The following MAMDC4 variants were observed in gnomAD, a reference collection of about 807,000 sequenced individuals.
MAMDC4 encodes apical endosomal glycoprotein.
In MAMDC4, 168 loss-of-function variants were observed where a neutral mutation model predicts 153.3. The ratio of observed to expected loss-of-function variants is 1.10; its 90% CI spans 0.97 to 1.25. The LOEUF (loss-of-function observed/expected upper bound fraction) is 1.25, where lower values mean the gene tolerates loss of function less well. MAMDC4 is among the 50% of genes most tolerant of loss of function. The pLI is 0.00. For synonymous variants in MAMDC4, 744 were observed against 651.5 expected, an observed-to-expected ratio of 1.14 and a Z score of -2.16; for missense variants, 1,701 against 1,542.8, an observed-to-expected ratio of 1.10 and a Z score of -1.72.
intron 8 of MAMDC4, 37 bp downstream of exon 8, chr9:136,854,713 A>G: frequency 1.9e-6 from 3 of 1,612,084 alleles, no homozygotes; most frequent in Non-Finnish European, 2.5e-6. Flanking sequence ...GGCCCTGCCC[A>G]CGCAGCCACA....
intron 13 of MAMDC4, 28 bp downstream of exon 13, chr9:136,855,876 C>T: frequency 2.0e-6 from 3 of 1,478,726 alleles, no homozygotes; most frequent in Middle Eastern, 2.4e-4. Flanking sequence ...AGGCTCAAGC[C>T]CCCGCCCGGG....
Position 136,855,739 on chromosome 9 carries a change from A to G in MAMDC4, c.1479A>G (p.Thr493=). ...TGCCGGCTGCTGTTCCAGGCACCAC[A>G]GACTTTGAGTCCCCCGAGGCTGGGG... ...GGEDEQACGT[T]DFESPEAGGW... Residue 493 remains threonine (T), a synonymous_variant, in exon 13 of 27, where the codon ACA becomes ACG. Transcript: ENST00000317446. 1.3e-6 allele frequency: 2 copies of G among 1,575,520 alleles called. No homozygotes were observed. The highest frequency in any genetic ancestry group is 2.3e-5 in the South Asian group (2 of 85,956).
chr9:136,860,169 G>C, intron 26 of MAMDC4, 105 bp downstream of exon 26: 1 of 1,294,884 alleles, frequency 7.7e-7, no homozygotes, highest in South Asian at 1.5e-5. Context: ...GCCCCCACCT[G>C]TGCAAGGCCC....
intron 26 of MAMDC4, among the ~76,000 whole-genome samples, chr9:136,860,306 G>A (rs1262193488): frequency 3.3e-5 from 5 of 152,026 alleles, no homozygotes; most frequent in African/African-American, 1.2e-4. Context: ...GATCACCTGA[G>A]GTCAGGAGTT....
At chr9:136,853,718 CGGGTGGG>C in intron 4 of MAMDC4, 48 bp downstream of exon 4, 1 of 496,250 alleles carries the variant, frequency 2.0e-6, no homozygotes, top group Non-Finnish European at 3.9e-6. Context: ...AAGGGGAGGG[CGGGTGGG>C]CAGCTGGGGA....
In MAMDC4 at chr9:136,858,477, T is replaced by C; in HGVS notation, c.2752T>C (p.Trp918Arg). 6.2e-7 allele frequency: 1 copy of C among 1,609,152 alleles called. No individual in the cohort carries two copies. ...WPGLGGYSWD[W>R]GGGATPSRYP... Reference sequence around the variant, plus strand: ...CGGCCTGGGCGGATACAGCTGGGACTGGGGCGGGGGAGCCACCCCCTCTCG... The same window carrying C: ...CGGCCTGGGCGGATACAGCTGGGACCGGGGCGGGGGAGCCACCCCCTCTCG... Residue 918 changes from tryptophan to arginine, a missense_variant, in exon 22 of 27, where the codon TGG becomes CGG. Transcript: ENST00000317446.
At position 136,855,597 on chromosome 9, in the gene MAMDC4, G is replaced by A. The variant is rs1177541868; in HGVS notation, c.1449G>A (p.Gly483=). Residue 483 remains glycine, a synonymous_variant, in exon 12 of 27, where the codon GGG becomes GGA. Transcript: ENST00000317446. ...QLCDFEEQCA[G]GEDEQACGTT... ...GTGACTTCGAGGAGCAGTGCGCAGGGGGCGAGGACGAGCAGGCCTGTGGTA... is the reference window on the plus strand; with the variant it reads ...GTGACTTCGAGGAGCAGTGCGCAGGAGGCGAGGACGAGCAGGCCTGTGGTA... 1.3e-6 allele frequency: 2 copies of A among 1,584,680 alleles called. No homozygotes were observed. Among genetic ancestry groups the A allele is most frequent in the African/African-American group, 1.3e-5 (1 of 74,478 alleles).
chr9:136,855,736 C>A lies in MAMDC4; in HGVS notation c.1476C>A (p.Thr492=). The change falls in exon 13 of 27, where the codon ACC becomes ACA. Residue 492 remains threonine (T), a synonymous_variant. Transcript: ENST00000317446. ...AGGEDEQACG[T]TDFESPEAGG... is the part of the protein sequence containing the mutation. ...CAGTGCCGGCTGCTGTTCCAGGCACCACAGACTTTGAGTCCCCCGAGGCTG... is the reference window on the plus strand; with the variant it reads ...CAGTGCCGGCTGCTGTTCCAGGCACAACAGACTTTGAGTCCCCCGAGGCTG... The A allele has an allele frequency of 6.3e-7, 1 of 1,575,892 alleles. No homozygotes were observed. Among genetic ancestry groups the A allele is most frequent in the East Asian group, 2.3e-5 (1 of 43,496 alleles).
chr9:136,854,374 A>G, intron 7 of MAMDC4, 38 bp downstream of exon 7: 10 of 1,506,514 alleles, frequency 6.6e-6, no homozygotes, highest in Non-Finnish European at 8.9e-6. Context: ...AGGCTGGGAG[A>G]CTGGACGCCT....
chr9:136,855,418 T>G lies in MAMDC4; in HGVS notation c.1283-13T>G. ...CCCATCCCTGCCTCCTGACACCAGT[T>G]CTGCCCCCACAGAGGTGTCCACCCT... On this transcript the variant is annotated splice_polypyrimidine_tract_variant and intron_variant, in intron 11 of 26. Coordinates refer to ENST00000317446, the MANE Select transcript of MAMDC4 (RefSeq NM_206920.3). The G allele has an allele frequency of 6.2e-7, 1 of 1,607,092 alleles. No homozygotes were observed. Among genetic ancestry groups the G allele is most frequent in the Non-Finnish European group, 8.5e-7 (1 of 1,176,718 alleles).
rs1238534571 is a variant in MAMDC4, at chr9:136,854,579, A to T, written c.837A>T (p.Pro279=). Reference sequence around the variant, plus strand: ...CCGACTTTGAGACAGGCCTGGGCCCATGGAACCGCTCGGAAGGCTGGTCCC... The same window carrying T: ...CCGACTTTGAGACAGGCCTGGGCCCTTGGAACCGCTCGGAAGGCTGGTCCC... ...IATDFETGLG[P]WNRSEGWSRN... The change falls in exon 8 of 27, where the codon CCA becomes CCT. Residue 279 remains proline (P), a synonymous_variant. Transcript: ENST00000317446. 3 of 1,607,618 alleles carry T rather than the reference A, an allele frequency of 1.9e-6. No individual in the cohort carries two copies. The East Asian group carries it at 6.7e-5, about 36-fold the overall frequency.
rs1564388005 is a variant in MAMDC4 at position 136,857,513 on chromosome 9, G to A, written c.2253G>A (p.Trp751Ter). 1.9e-6 allele frequency: 3 copies of A among 1,610,586 alleles called. No homozygotes were observed. Among genetic ancestry groups the A allele is most frequent in the Non-Finnish European group, 2.5e-6 (3 of 1,179,974 alleles). Residue 751 changes from tryptophan (W) to a stop codon, truncating the protein, a stop_gained, in exon 18 of 27, where the codon TGG (tryptophan) becomes TGA (stop). Transcript: ENST00000317446. LOFTEE classifies it high-confidence loss of function. The stretch of plus-strand genomic sequence containing the variant: ...TCTCCCCTGGAGGCCAAGGTCTCTG[G>A]AGGCGGCAGGCCAATGCCTCGGGCC... ...CGFSPGGQGLWRRQANASGHA... is the reference protein window; with the variant it reads ...CGFSPGGQGL
At position 136,855,782 on chromosome 9, in the gene MAMDC4, G is replaced by T. The variant is rs1424754873; in HGVS notation, c.1522G>T (p.Val508Leu). Residue 508 changes from valine to leucine, a missense_variant, in exon 13 of 27, where the codon GTG (valine) becomes TTG (leucine). Physicochemically the swap from Val to Leu is conservative, Grantham distance 32. Transcript: ENST00000317446. ...GGCTGGGGGCTGGGAGGACGCCAGC[G>T]TGGGGCGGCTGCAGTGGCGGCGTGT... Reference protein sequence around the residue: ...PEAGGWEDASVGRLQWRRVSA... With the variant: ...PEAGGWEDASLGRLQWRRVSA... The T allele has an allele frequency of 6.4e-7, 1 of 1,560,760 alleles. No homozygotes were observed. Among genetic ancestry groups the T allele is most frequent in the South Asian group, 1.2e-5 (1 of 84,620 alleles).
chr9:136,852,797 G>T (rs1848944846), intron 1 of MAMDC4, among the ~76,000 whole-genome samples: 1 of 152,202 alleles, frequency 6.6e-6, no homozygotes, highest in African/African-American at 2.4e-5. Context: ...GCCTCCCATT[G>T]GGGGTCGCCC....
Position 136,857,418 on chromosome 9 carries a change from G to T in MAMDC4, c.2158G>T (p.Asp720Tyr). 6.2e-7 allele frequency: 1 copy of T among 1,608,290 alleles called. No individual in the cohort carries two copies. The highest frequency in any genetic ancestry group is 8.5e-7 in the Non-Finnish European group (1 of 1,179,918). Reference protein sequence around the residue: ...DGYHGTMALDDVAVRPGPCWA... With the variant: ...DGYHGTMALDYVAVRPGPCWA... ...ATACCACGGCACCATGGCGCTGGACGATGTGGCCGTGCGGCCGGGCCCCTG... is the reference window on the plus strand; with the variant it reads ...ATACCACGGCACCATGGCGCTGGACTATGTGGCCGTGCGGCCGGGCCCCTG... The change falls in exon 18 of 27, where the codon GAT (aspartate) becomes TAT (tyrosine). Residue 720 changes from aspartate (D) to tyrosine (Y), a missense_variant. Physicochemically the swap from Asp to Tyr is radical, Grantham distance 160 (BLOSUM62 -3). Coordinates refer to ENST00000317446, the MANE Select transcript of MAMDC4 (RefSeq NM_206920.3).
In MAMDC4 at chr9:136,853,043, C is replaced by A. The variant is rs1848948530; in HGVS notation, c.47-59C>A. 4 of 1,433,932 alleles carry A rather than the reference C, an allele frequency of 2.8e-6. No individual in the cohort carries two copies. The Admixed American group carries it at 5.2e-5, about 19-fold the overall frequency. The allele number at this position is 1,433,932 out of a possible 1,614,324, so 88.8% of individuals were successfully genotyped here. A position where few individuals can be genotyped will look rare whatever the true frequency, so the allele number is the denominator to read the frequency against. On this transcript the variant is annotated intron_variant, in intron 1 of 26. Transcript: ENST00000317446. ...AGTGCTAAAACTGAATAGTCCTAGG[C>A]AGGCTGGGATGGCTGGTCACCCTGC...
rs935571816 is a variant in MAMDC4, at chr9:136,852,813, G to A, written c.47-289G>A. ...CCTCCCATTGGGGGTCGCCCTCCCA[G>A]TGCCCAGTTCCCTGCTGGGCACTCT... On this transcript the variant is annotated intron_variant, in intron 1 of 26. Transcript: ENST00000317446. 4.6e-5 allele frequency among the ~76,000 whole-genome samples: 7 copies of A among 152,298 alleles called. No homozygotes were observed. In the East Asian group the frequency reaches 1.4e-3, roughly 29 times the overall value.
chr9:136,856,889 G>GC lies in MAMDC4; in HGVS notation c.1838-14dup. Reference sequence around the variant, plus strand: ...GAGAGTGGGGCATCTCTGCAGCACAGCCCCATGCCCCCTGCAGGCCACTTT... The same window carrying GC: ...GAGAGTGGGGCATCTCTGCAGCACAGCCCCCATGCCCCCTGCAGGCCACTTT... On this transcript the variant is annotated splice_polypyrimidine_tract_variant and intron_variant, in intron 15 of 26. Transcript: ENST00000317446. 1 of 1,610,220 alleles carries GC rather than the reference G, an allele frequency of 6.2e-7. No individual in the cohort carries two copies. Among genetic ancestry groups the GC allele is most frequent in the South Asian group, 1.1e-5 (1 of 91,028 alleles).
Position 136,853,210 on chromosome 9 carries a change from G to A in MAMDC4, c.154+1G>A. The A allele has an allele frequency of 1.2e-6, 2 of 1,612,790 alleles. No homozygotes were observed. The highest frequency in any genetic ancestry group is 1.7e-4 in the Middle Eastern group (1 of 6,060). Reference sequence around the variant, plus strand: ...GACTGCTCAGATGAGGCCCAGTGTGGTGAGCCAAGACCAGATGGGCGGGCA... The same window carrying A: ...GACTGCTCAGATGAGGCCCAGTGTGATGAGCCAAGACCAGATGGGCGGGCA... On this transcript the variant is annotated splice_donor_variant, in intron 2 of 26. Transcript: ENST00000317446. LOFTEE classifies it high-confidence loss of function.
Sources: gnomAD v4.1 joint callset for allele counts (sites outside exome capture counted in the v4.1 genomes callset) on GRCh38, gnomAD v4.1.1 for gene constraint, MANE v1.5 for transcripts, NCBI Gene and HGNC (gene_info 2026-07-23, HGNC 2026-07-21) for gene names.